The following SIPA1L3 variants were observed in gnomAD, a reference collection of about 807,000 sequenced individuals.
SIPA1L3 encodes the protein signal-induced proliferation-associated 1-like protein 3.
SIPA1L3 carries 59 observed loss-of-function variants against 150.1 expected under a neutral mutation model. The observed-to-expected ratio is 0.39, with a 90% CI of 0.32 to 0.49. The LOEUF (loss-of-function observed/expected upper bound fraction) is 0.49. Among genes scored for constraint, SIPA1L3 ranks in the 20% least tolerant of loss-of-function variants. SIPA1L3 has a pLI of 0.86. For missense variants in SIPA1L3, 2,211 were observed against 2,489.5 expected (o/e 0.89, Z 2.38); for synonymous variants, 1,070 against 1,077.6 (o/e 0.99, Z 0.14).
At chr19:38,064,628 G>A (rs1241594081) in intron 2 of SIPA1L3, among the ~76,000 whole-genome samples, 1 of 152,158 alleles carries the variant, frequency 6.6e-6, no homozygotes, top group Non-Finnish European at 1.5e-5. Flanking sequence ...GAACCTGGGA[G>A]GCAGAGGTTG....
At chr19:38,107,034 G>A (rs767053236) in intron 7 of SIPA1L3, among the ~76,000 whole-genome samples, 2 of 152,200 alleles carry the variant, frequency 1.3e-5, no homozygotes, top group African/African-American at 2.4e-5. Flanking sequence ...AGAGAGGGCT[G>A]GCCTCAGGTC....
chr19:38,149,263 C>T (rs8109799), intron 12 of SIPA1L3, among the ~76,000 whole-genome samples: 100,881 of 152,092 alleles, frequency 0.66, 35,089 homozygotes, highest in African/African-American at 0.88. Context: ...TAGCTTGGCA[C>T]CTTGGCGTGT....
At chr19:38,110,805 C>T (rs982434481) in intron 8 of SIPA1L3, among the ~76,000 whole-genome samples, 1 of 152,004 alleles carries the variant, frequency 6.6e-6, no homozygotes, top group Non-Finnish European at 1.5e-5. Context: ...TTTTCTTTCC[C>T]AAGAGTTGCA....
chr19:38,069,328 C>A (rs1269701393), intron 2 of SIPA1L3, among the ~76,000 whole-genome samples: 1 of 152,144 alleles, frequency 6.6e-6, no homozygotes, highest in Admixed American at 6.5e-5. Flanking sequence ...CCCTTCATAC[C>A]TATAACTGCC....
intron 20 of SIPA1L3, among the ~76,000 whole-genome samples, chr19:38,203,161 G>A (rs1395082839): frequency 2.0e-5 from 3 of 152,144 alleles, no homozygotes; most frequent in South Asian, 2.1e-4. Flanking sequence ...CACCACGAAC[G>A]TAGGCCCCAC....
intron 18 of SIPA1L3, among the ~76,000 whole-genome samples, chr19:38,197,665 C>T (rs1335363822): frequency 6.6e-6 from 1 of 151,956 alleles, no homozygotes; most frequent in Non-Finnish European, 1.5e-5. Context: ...CCCACCCCAG[C>T]CTTCCCGATC....
intron 2 of SIPA1L3, among the ~76,000 whole-genome samples, chr19:38,053,524 T>A (rs1391430834): frequency 6.6e-6 from 1 of 151,770 alleles, no homozygotes; most frequent in African/African-American, 2.4e-5. Context: ...ACATATTAAC[T>A]CATTTAATCT....
chr19:38,138,446 C>T (rs966033804), intron 10 of SIPA1L3, among the ~76,000 whole-genome samples: 2 of 152,140 alleles, frequency 1.3e-5, no homozygotes, highest in Non-Finnish European at 2.9e-5. Flanking sequence ...CACTGGCTCA[C>T]GTAGCCGACA....
intron 3 of SIPA1L3, among the ~76,000 whole-genome samples, chr19:38,084,128 GTA>G (rs1491522893): frequency 0.24 from 37,005 of 151,948 alleles, 6,458 homozygotes; most frequent in African/African-American, 0.5. Flanking sequence ...TTAAGCATCA[GTA>G]TGGTCAGCCT....
chr19:38,056,627 C>G (rs749450766), intron 2 of SIPA1L3, among the ~76,000 whole-genome samples: 1 of 152,186 alleles, frequency 6.6e-6, no homozygotes, highest in South Asian at 2.1e-4. Context: ...AGGGGGCTAT[C>G]GTGGTTACTG....
In SIPA1L3 at chr19:37,924,453, T is replaced by A. The variant is rs1286790514; in HGVS notation, c.-379+17095T>A. ...TTGTATATAAGTAGAAGGAGCACAC[T>A]CTAAAATAACAATAAAAAGTATATA... On this transcript the variant is annotated intron_variant, in intron 1 of 21. Transcript: ENST00000222345. 2.1e-5 allele frequency among the ~76,000 whole-genome samples: 3 copies of A among 144,418 alleles called. No individual in the cohort carries two copies. The South Asian group carries it at 6.4e-4, about 31-fold the overall frequency. 94.7% of individuals were successfully genotyped at this position (144,418 alleles called of 152,430 possible).
At chr19:38,113,366 G>A (rs1268323931) in intron 8 of SIPA1L3, among the ~76,000 whole-genome samples, 1 of 152,110 alleles carries the variant, frequency 6.6e-6, no homozygotes, top group Admixed American at 6.5e-5. Context: ...AGTGGCTCAC[G>A]CCTATAATCC....
At chr19:38,202,052 G>A in intron 20 of SIPA1L3, 55 bp downstream of exon 20, 1 of 1,534,666 alleles carries the variant, frequency 6.5e-7, no homozygotes, top group Non-Finnish European at 8.8e-7. Context: ...CTGTGCAGTG[G>A]AAGAGGCTTA....
intron 1 of SIPA1L3, among the ~76,000 whole-genome samples, chr19:37,908,737 A>T (rs534999755): frequency 6.6e-5 from 10 of 152,150 alleles, no homozygotes; most frequent in Admixed American, 2.6e-4. Context: ...AGATTAAATT[A>T]TGGAACACAC....
intron 1 of SIPA1L3, among the ~76,000 whole-genome samples, chr19:37,966,481 TG>T (rs2046905450): frequency 6.6e-6 from 1 of 152,184 alleles, no homozygotes; most frequent in African/African-American, 2.4e-5. Context: ...CTCAGAGTCC[TG>T]ATCTGGGATC....
chr19:37,940,711 C>T (rs1382786009), intron 1 of SIPA1L3, among the ~76,000 whole-genome samples: 1 of 152,026 alleles, frequency 6.6e-6, no homozygotes. Flanking sequence ...TCCTTAGTAG[C>T]TGGGATTATA....
At chr19:38,146,454 G>A (rs1456209925) in intron 12 of SIPA1L3, among the ~76,000 whole-genome samples, 2 of 152,100 alleles carry the variant, frequency 1.3e-5, no homozygotes, top group Non-Finnish European at 2.9e-5. Flanking sequence ...ATTTTAAAAA[G>A]ATTTAAAAAG....
At chr19:37,908,608 A>G (rs1211320822) in intron 1 of SIPA1L3, among the ~76,000 whole-genome samples, 1 of 149,436 alleles carries the variant, frequency 6.7e-6, no homozygotes, top group Non-Finnish European at 1.5e-5. Flanking sequence ...GATTAAATGT[A>G]TCTTGCTGTT....
Position 38,081,359 on chromosome 19 carries a change from C to A in SIPA1L3, c.-207C>A, listed in dbSNP as rs1969973440. 2 of 561,228 alleles carry A rather than the reference C, an allele frequency of 3.6e-6. No homozygotes were observed. Among genetic ancestry groups the A allele is most frequent in the Admixed American group, 3.2e-5 (1 of 31,528 alleles). 34.8% of individuals were successfully genotyped at this position (561,228 alleles called of 1,614,324 possible). On this transcript the variant is annotated 5_prime_UTR_variant, in exon 3 of 22. Coordinates refer to ENST00000222345, the MANE Select transcript of SIPA1L3 (RefSeq NM_015073.3). ...TCGGTCTGGAGCCCCCAGGACAGCA[C>A]CTGCTTCCTGAGGTTGTCCTGGCTC...
Sources: allele counts gnomAD v4.1 joint callset (sites outside exome capture counted in the v4.1 genomes callset), GRCh38; gene constraint gnomAD v4.1.1; transcripts MANE v1.5; gene names NCBI Gene and HGNC (gene_info 2026-07-23, HGNC 2026-07-21).